Variants in CSMD3 observed in about 807,000 individuals in gnomAD.
CSMD3 encodes the protein CUB and Sushi multiple domains 3.
A neutral mutation model predicts 435.2 loss-of-function variants in CSMD3; 177 were observed. The ratio of observed to expected loss-of-function variants is 0.41; its 90% confidence interval spans 0.36 to 0.46. The LOEUF is 0.46. Among genes scored for constraint, CSMD3 ranks in the 20% least tolerant of loss-of-function variants. The pLI is 0.34. For missense variants in CSMD3, 4,265 were observed against 4,504.6 expected, an observed-to-expected ratio of 0.95 and a Z score of 1.52; for synonymous variants, 1,656 against 1,520.5, an observed-to-expected ratio of 1.09 and a Z score of -2.07.
At chr8:112,817,228 A>G (rs1188141157) in intron 12 of CSMD3, among the ~76,000 whole-genome samples, 1 of 152,112 alleles carries the variant, frequency 6.6e-6, no homozygotes, top group Non-Finnish European at 1.5e-5. Context: ...ATGAAGGAGT[A>G]TCACATATCT....
intron 59 of CSMD3, among the ~76,000 whole-genome samples, chr8:112,272,581 G>C (rs1160835989): frequency 1.3e-5 from 2 of 152,060 alleles, no homozygotes; most frequent in East Asian, 3.9e-4. Context: ...TGAAATTATT[G>C]TTTAGTGTTG....
chr8:112,713,176 G>T (rs867386103), intron 13 of CSMD3, among the ~76,000 whole-genome samples: 20 of 151,962 alleles, frequency 1.3e-4, no homozygotes, highest in African/African-American at 3.9e-4. Flanking sequence ...TTAGCCAAGG[G>T]AGGCAGTGAG....
chr8:112,524,088 G>A (rs956665312), intron 27 of CSMD3, among the ~76,000 whole-genome samples: 2 of 151,998 alleles, frequency 1.3e-5, no homozygotes, highest in African/African-American at 2.4e-5. Context: ...GATATTAACA[G>A]AAACAACACA....
At chr8:112,624,063 T>C (rs1834289899) in intron 22 of CSMD3, among the ~76,000 whole-genome samples, 1 of 152,052 alleles carries the variant, frequency 6.6e-6, no homozygotes, top group Admixed American at 6.6e-5. Flanking sequence ...GTAATAGATA[T>C]TAAAAGTTTT....
intron 22 of CSMD3, among the ~76,000 whole-genome samples, chr8:112,619,304 CT>C (rs1459180997): frequency 6.6e-6 from 1 of 151,592 alleles, no homozygotes; most frequent in Non-Finnish European, 1.5e-5. Flanking sequence ...CATACTGTAC[CT>C]CTCCTGTTGC....
chr8:112,879,830 A>G (rs2081397409), intron 10 of CSMD3, among the ~76,000 whole-genome samples: 1 of 152,074 alleles, frequency 6.6e-6, no homozygotes, highest in African/African-American at 2.4e-5. Context: ...ACAGAAAACC[A>G]AACACCATAC....
intron 31 of CSMD3, among the ~76,000 whole-genome samples, chr8:112,481,707 G>A (rs1019750486): frequency 3.9e-5 from 6 of 152,092 alleles, no homozygotes; most frequent in African/African-American, 7.2e-5. Flanking sequence ...CTCTCATGGA[G>A]CATTTTTTAA....
chr8:112,987,386 C>A (rs1277138117), intron 6 of CSMD3, among the ~76,000 whole-genome samples: 1 of 152,012 alleles, frequency 6.6e-6, no homozygotes, highest in East Asian at 1.9e-4. Context: ...ATTTGACATT[C>A]CAATATGTTT....
intron 13 of CSMD3, among the ~76,000 whole-genome samples, chr8:112,780,434 CG>C (rs1157936763): frequency 6.6e-6 from 1 of 151,948 alleles, no homozygotes; most frequent in Non-Finnish European, 1.5e-5. Flanking sequence ...CTCCAGTGAC[CG>C]TCAACATCTG....
chr8:112,505,026 C>T (rs1410966416), intron 29 of CSMD3, among the ~76,000 whole-genome samples: 3 of 151,958 alleles, frequency 2.0e-5, no homozygotes, highest in Non-Finnish European at 4.4e-5. Context: ...ATTTCCGAAC[C>T]CAAAGAATTT....
intron 47 of CSMD3, among the ~76,000 whole-genome samples, chr8:112,317,314 C>T (rs370505092): frequency 2.6e-5 from 4 of 151,894 alleles, no homozygotes; most frequent in South Asian, 2.1e-4. Flanking sequence ...TACTTTAATT[C>T]GTAAAAAATT....
intron 32 of CSMD3, among the ~76,000 whole-genome samples, chr8:112,421,979 C>CA: frequency 6.6e-6 from 1 of 151,686 alleles, no homozygotes; most frequent in Non-Finnish European, 1.5e-5. Flanking sequence ...AGACAACTAT[C>CA]AAAAAATTAG....
chr8:112,763,532 A>G (rs954952109), intron 13 of CSMD3, among the ~76,000 whole-genome samples: 1 of 148,796 alleles, frequency 6.7e-6, no homozygotes, highest in Non-Finnish European at 1.5e-5. Context: ...TAATATTTGA[A>G]TATTTGAACA....
chr8:113,214,441 G>A (rs1173477979), intron 3 of CSMD3, among the ~76,000 whole-genome samples: 2 of 151,896 alleles, frequency 1.3e-5, no homozygotes, highest in Non-Finnish European at 2.9e-5. Context: ...ACTGGCATCA[G>A]TATTACACAT....
In CSMD3 at chr8:112,747,962, C is replaced by CAAAAAAAAAAAAAA. The variant is rs71309788; in HGVS notation, c.1972+52186_1972+52199dup. 2.8e-4 allele frequency among the ~76,000 whole-genome samples: 27 copies of CAAAAAAAAAAAAAA among 96,750 alleles called. 2 individuals are homozygous for CAAAAAAAAAAAAAA. In the East Asian group the frequency reaches 6.1e-3, roughly 22 times the overall value. 63.5% of individuals were successfully genotyped at this position (96,750 alleles called of 152,430 possible). A position where few individuals can be genotyped will look rare whatever the true frequency, so the allele number is the denominator to read the frequency against. ...TGGGCGACAGAACAAGACTCCGTCT[C>CAAAAAAAAAAAAAA]AAAAAAAAAAAAAAAAAAAAAAAAC... On this transcript the variant is annotated intron_variant, in intron 13 of 70. Transcript: ENST00000297405.
chr8:112,289,892 T>A (rs1819593828), intron 56 of CSMD3, among the ~76,000 whole-genome samples: 1 of 152,060 alleles, frequency 6.6e-6, no homozygotes, highest in Non-Finnish European at 1.5e-5. Flanking sequence ...CCTGGTAAAA[T>A]CTGTGAAAGT....
At chr8:112,933,832 T>G (rs2083195591) in intron 9 of CSMD3, among the ~76,000 whole-genome samples, 1 of 152,042 alleles carries the variant, frequency 6.6e-6, no homozygotes, top group South Asian at 2.1e-4. Flanking sequence ...ATAGAAAGTT[T>G]ACAAACTTTC....
intron 4 of CSMD3, among the ~76,000 whole-genome samples, chr8:113,120,516 T>A (rs1415509725): frequency 6.6e-6 from 1 of 152,218 alleles, no homozygotes; most frequent in Non-Finnish European, 1.5e-5. Context: ...ATAAATGATT[T>A]ATGCTACAAA....
intron 19 of CSMD3, among the ~76,000 whole-genome samples, chr8:112,647,652 C>G (rs527678732): frequency 1.3e-5 from 2 of 152,066 alleles, no homozygotes; most frequent in East Asian, 1.9e-4. Context: ...TGTCAGTATC[C>G]TTGTCTATGT....
Sources: gnomAD v4.1 joint callset for allele counts (sites outside exome capture counted in the v4.1 genomes callset) on GRCh38, gnomAD v4.1.1 for gene constraint, MANE v1.5 for transcripts, NCBI Gene and HGNC (gene_info 2026-07-23, HGNC 2026-07-21) for gene names.